Variants in KCNQ2 observed in about 807,000 individuals in gnomAD.
KCNQ2 encodes potassium voltage-gated channel subfamily KQT member 2.
KCNQ2 carries 14 observed loss-of-function variants against 84.8 expected under a neutral mutation model. The observed-to-expected ratio is 0.17, with a 90% CI of 0.11 to 0.26. The LOEUF is 0.26. Among genes scored for constraint, KCNQ2 ranks in the 10% least tolerant of loss-of-function variants. The pLI is 1.00. For synonymous variants in KCNQ2, 599 were observed against 554.1 expected (o/e 1.08, Z -1.14); for missense variants, 788 against 1,254.0 (o/e 0.63, Z 5.61).
chr20:63,428,985 C>G (rs1172458274), intron 9 of KCNQ2, among the ~76,000 whole-genome samples: 1 of 152,058 alleles, frequency 6.6e-6, no homozygotes, highest in Non-Finnish European at 1.5e-5. Flanking sequence ...CCTTGGGAAT[C>G]CTCCGCAGGT....
chr20:63,466,241 T>C (rs2145891793), intron 1 of KCNQ2, among the ~76,000 whole-genome samples: 1 of 151,828 alleles, frequency 6.6e-6, no homozygotes, highest in South Asian at 2.1e-4. Flanking sequence ...CAGGCAAGCT[T>C]CCCACGCTCG....
In KCNQ2 at chr20:63,413,478, G is replaced by A. The variant is rs1060499545; in HGVS notation, c.1735C>T (p.Leu579=). ...GACTGCAGGCTCTTAATTCGGGACA[G>A]CATGTCCAGGTGGCCGGCTGAGTAC... ...EQYSAGHLDM[L]SRIKSLQSRV... The change falls in exon 15 of 17, where the codon CTG becomes TTG. Residue 579 remains leucine, a synonymous_variant. Coordinates refer to ENST00000359125, the MANE Select transcript of KCNQ2 (RefSeq NM_172107.4). The A allele has an allele frequency of 2.5e-6, 4 of 1,613,228 alleles. No individual in the cohort carries two copies. The highest frequency in any genetic ancestry group is 3.4e-6 in the Non-Finnish European group (4 of 1,180,032).
rs1280785991 is a variant in KCNQ2 at position 63,425,204 on chromosome 20, C to G, written c.1218-998G>C. Among the ~76,000 whole-genome samples the G allele has an allele frequency of 2.0e-5, 3 of 152,218 alleles. No homozygotes were observed. Among genetic ancestry groups the G allele is most frequent in the Non-Finnish European group, 4.4e-5 (3 of 68,038 alleles). On this transcript the variant is annotated intron_variant, in intron 10 of 16. Transcript: ENST00000359125. The surrounding 1 kb of genome is among the most constrained non-coding windows in gnomAD (Gnocchi z 5.5). ...TCAGGATGTTCCAGGATGACCTCAT[C>G]TCAAGATCCCAAGCTCAGTTACAGC...
chr20:63,438,712 C>T lies in KCNQ2; in HGVS notation c.936G>A (p.Leu312=). 6.2e-7 allele frequency: 1 copy of T among 1,613,506 alleles called. No individual in the cohort carries two copies. Among genetic ancestry groups the T allele is most frequent in the South Asian group, 1.1e-5 (1 of 91,078 alleles). The change falls in exon 7 of 17, where the codon TTG becomes TTA. Residue 312 remains leucine, a synonymous_variant. Coordinates refer to ENST00000359125, the MANE Select transcript of KCNQ2 (RefSeq NM_172107.4). This position sits in a 1 kb window ranked among gnomAD's most constrained non-coding sequence, Gnocchi z 5.1. ...VSFFALPAGI[L]GSGFALKVQE... ...GAACCTTCAGGGCAAACCCAGACCC[C>T]AAGATGCCCTGCAATTCATCAGGGT... is the stretch of plus-strand genomic sequence containing the variant.
In KCNQ2 at chr20:63,411,964, G is replaced by A. The variant is rs1227040138; in HGVS notation, c.1763+1486C>T. On this transcript the variant is annotated intron_variant, in intron 15 of 16. Coordinates refer to ENST00000359125, the MANE Select transcript of KCNQ2 (RefSeq NM_172107.4). ...AATGAGGAGCTGGCCAGGAACTGGC[G>A]GAAACGGAAGCAACAGGGAGGCTCC... 15 of 680,974 alleles carry A rather than the reference G, an allele frequency of 2.2e-5. No homozygotes were observed. The East Asian group carries it at 2.9e-4, about 13-fold the overall frequency. The allele number at this position is 680,974 out of a possible 1,614,324, so 42.2% of individuals were successfully genotyped here.
intron 1 of KCNQ2, among the ~76,000 whole-genome samples, chr20:63,453,191 C>CCCG (rs1403296521): frequency 6.6e-6 from 1 of 152,228 alleles, no homozygotes; most frequent in African/African-American, 2.4e-5. Flanking sequence ...CAGTCCTCCG[C>CCCG]CCGCCGCCAC....
chr20:63,433,640 G>A lies in KCNQ2; in HGVS notation c.1118+169C>T, dbSNP rs2080895528. Reference sequence around the variant, plus strand: ...AGAAAGCCGCAGCTCTAACACAAAGGGCAGAAGCAACGCCTCGAAATAAAC... The same window carrying A: ...AGAAAGCCGCAGCTCTAACACAAAGAGCAGAAGCAACGCCTCGAAATAAAC... On this transcript the variant is annotated intron_variant, in intron 8 of 16. Coordinates refer to ENST00000359125, the MANE Select transcript of KCNQ2 (RefSeq NM_172107.4). 5.5e-6 allele frequency: 7 copies of A among 1,269,110 alleles called. No homozygotes were observed. In the Admixed American group the frequency reaches 1.3e-4, roughly 23 times the overall value. 78.6% of individuals were successfully genotyped at this position (1,269,110 alleles called of 1,614,324 possible). A position where few individuals can be genotyped will look rare whatever the true frequency, so the allele number is the denominator to read the frequency against.
rs140712277 is a variant in KCNQ2 at position 63,445,350 on chromosome 20, G to A, written c.402C>T (p.Ile134=). The A allele has an allele frequency of 2.8e-5, 45 of 1,613,694 alleles. No individual in the cohort carries two copies. The African/African-American group carries it at 3.7e-4, about 13-fold the overall frequency. The change falls in exon 3 of 17, where the codon ATC becomes ATT. Residue 134 remains isoleucine (I), a synonymous_variant. Coordinates refer to ENST00000359125, the MANE Select transcript of KCNQ2 (RefSeq NM_172107.4). ...CGAAGTACTCCACGCCAAACACCAC[G>A]ATAGTCACGATTTCCTGCAGGGGAG... ...GALYILEIVT[I]VVFGVEYFVR...
chr20:63,436,510 A>G (rs987843599), intron 7 of KCNQ2, among the ~76,000 whole-genome samples: 63 of 151,566 alleles, frequency 4.2e-4, no homozygotes, highest in African/African-American at 1.1e-3. Context: ...CAGCCTGGGC[A>G]ACAGAGCGAG....
At chr20:63,441,837 C>T (rs918757007) in intron 5 of KCNQ2, among the ~76,000 whole-genome samples, 4 of 152,258 alleles carry the variant, frequency 2.6e-5, no homozygotes, top group African/African-American at 9.6e-5. Context: ...ATGCCTTCCC[C>T]GCAGGGCTGA....
At chr20:63,467,582 G>A (rs2082113695) in intron 1 of KCNQ2, among the ~76,000 whole-genome samples, 2 of 152,240 alleles carry the variant, frequency 1.3e-5, no homozygotes. Flanking sequence ...GCAGCTGCCA[G>A]ACGGACTTGC....
At chr20:63,431,071 C>T (rs1325060196) in intron 9 of KCNQ2, among the ~76,000 whole-genome samples, 1 of 152,120 alleles carries the variant, frequency 6.6e-6, no homozygotes, top group African/African-American at 2.4e-5. Flanking sequence ...GAAGCAGCGG[C>T]TGGGGGGAGG....
rs771211103 is a variant in KCNQ2 at position 63,408,430 on chromosome 20, C to T, written c.1870G>A (p.Gly624Arg). The part of the protein sequence containing the change: ...PEDPSMMGRL[G>R]KVEKQVLSME... ...TCTCGCACCTGCTTCTCCACCTTCCCGAGCCGTCCCATCATGCTGGGGTCC... is the reference window on the plus strand; with the variant it reads ...TCTCGCACCTGCTTCTCCACCTTCCTGAGCCGTCCCATCATGCTGGGGTCC... Residue 624 changes from glycine (G) to arginine (R), a missense_variant, in exon 16 of 17, where the codon GGG becomes AGG. Coordinates refer to ENST00000359125, the MANE Select transcript of KCNQ2 (RefSeq NM_172107.4). This position sits in a 1 kb window ranked among gnomAD's most constrained non-coding sequence, Gnocchi z 5.0. 6.8e-6 allele frequency: 11 copies of T among 1,608,654 alleles called. No homozygotes were observed. Among genetic ancestry groups the T allele is most frequent in the Admixed American group, 3.3e-5 (2 of 59,866 alleles).
At chr20:63,415,741 C>T (rs930319142) in intron 12 of KCNQ2, among the ~76,000 whole-genome samples, 8 of 152,304 alleles carry the variant, frequency 5.3e-5, no homozygotes, top group African/African-American at 7.2e-5. Context: ...CTCAGGGCAA[C>T]GGGCATCCCA....
intron 10 of KCNQ2, among the ~76,000 whole-genome samples, chr20:63,427,019 C>CG (rs2080654529): frequency 6.6e-6 from 1 of 152,032 alleles, no homozygotes; most frequent in African/African-American, 2.4e-5. Context: ...TCAGGAGCTT[C>CG]AGACCAGCCT....
At chr20:63,413,155 T>A (rs1037726551) in intron 15 of KCNQ2, 2 of 460,134 alleles carry the variant, frequency 4.3e-6, no homozygotes, top group African/African-American at 4.0e-5. Flanking sequence ...GAAGCATACA[T>A]GTGTGCATGC....
chr20:63,400,840 G>A lies in KCNQ2; in HGVS notation c.*5804C>T, dbSNP rs1478837267. ...TGCCCTGCGCGTGTCTCTGGAGCCC[G>A]TCCCTTGGGCCCCTCGCCCGCCCCA... On this transcript the variant is annotated 3_prime_UTR_variant, in exon 17 of 17. Coordinates refer to ENST00000359125, the MANE Select transcript of KCNQ2 (RefSeq NM_172107.4). The surrounding 1 kb of genome is among the most constrained non-coding windows in gnomAD (Gnocchi z 8.7). 11 of 398,468 alleles carry A rather than the reference G, an allele frequency of 2.8e-5. No homozygotes were observed. The highest frequency in any genetic ancestry group is 4.4e-5 in the Non-Finnish European group (10 of 225,930). The allele number at this position is 398,468 out of a possible 1,614,324, so 24.7% of individuals were successfully genotyped here.
intron 1 of KCNQ2, chr20:63,471,911 C>T: frequency 2.3e-6 from 1 of 444,014 alleles, no homozygotes; most frequent in Non-Finnish European, 3.9e-6. Flanking sequence ...GCTGGGGCGG[C>T]CGCACGTCTC....
chr20:63,419,607 GT>G lies in KCNQ2; in HGVS notation c.1301+11del. On this transcript the variant is annotated intron_variant, in intron 12 of 16. Transcript: ENST00000359125. ...CAGCAGCCGTCAGTCCGTGCGGCGT[GT>G]TCCGCGGTACCTAGAGCGTCCGGGG... is the stretch of plus-strand genomic sequence containing the variant. The G allele has an allele frequency of 6.2e-7, 1 of 1,607,538 alleles. No homozygotes were observed. Among genetic ancestry groups the G allele is most frequent in the South Asian group, 1.1e-5 (1 of 89,500 alleles).
Sources: allele counts gnomAD v4.1 joint callset (sites outside exome capture counted in the v4.1 genomes callset), GRCh38; gene constraint gnomAD v4.1.1; non-coding constraint Gnocchi (gnomAD v3.1); transcripts MANE v1.5; gene names NCBI Gene and HGNC (gene_info 2026-07-23, HGNC 2026-07-21).